KIF26B: variants seen among roughly 807,000 people sequenced by gnomAD.
The protein encoded by KIF26B is kinesin-like protein KIF26B.
KIF26B carries 63 observed loss-of-function variants against 151.2 expected under a neutral mutation model. The ratio of observed to expected loss-of-function variants is 0.42; its 90% CI spans 0.34 to 0.51. KIF26B has a LOEUF of 0.51. KIF26B is among the 20% of genes least tolerant of loss of function. KIF26B has a pLI of 0.07. For missense variants in KIF26B, 2,813 were observed against 2,913.6 expected (o/e 0.97, Z 0.79); for synonymous variants, 1,357 against 1,262.1 (o/e 1.08, Z -1.59).
intron 11 of KIF26B, 97 bp from the exon 12 acceptor site, chr1:245,685,308 G>A: frequency 9.6e-7 from 1 of 1,045,884 alleles, no homozygotes; most frequent in Non-Finnish European, 1.4e-6. Flanking sequence ...TCAGTAGCCT[G>A]TGTCGTCAGG....
intron 3 of KIF26B, among the ~76,000 whole-genome samples, chr1:245,404,349 C>A (rs984142059): frequency 2.0e-5 from 3 of 151,880 alleles, no homozygotes; most frequent in African/African-American, 7.3e-5. Context: ...AGGTTTGTAA[C>A]AAAAGGGCAG....
chr1:245,337,253 C>T (rs1365649288), intron 2 of KIF26B, among the ~76,000 whole-genome samples: 2 of 149,560 alleles, frequency 1.3e-5, no homozygotes, highest in African/African-American at 4.9e-5. Context: ...CTCACTGCAA[C>T]CTCTACCTCC....
At chr1:245,267,096 C>T (rs1411410234) in intron 2 of KIF26B, among the ~76,000 whole-genome samples, 2 of 152,222 alleles carry the variant, frequency 1.3e-5, no homozygotes, top group Admixed American at 6.5e-5. Flanking sequence ...CCTAAATGCT[C>T]AGCTCCTGCT....
chr1:245,582,245 T>C (rs554713137), intron 5 of KIF26B, among the ~76,000 whole-genome samples: 2 of 152,356 alleles, frequency 1.3e-5, no homozygotes, highest in East Asian at 3.9e-4. Context: ...AGGGGGTCAT[T>C]GTGTTCCTCA....
chr1:245,607,412 T>A (rs2043467750), intron 6 of KIF26B, among the ~76,000 whole-genome samples: 1 of 152,188 alleles, frequency 6.6e-6, no homozygotes, highest in Non-Finnish European at 1.5e-5. Context: ...CGCTGAAACG[T>A]ACCACGGATT....
intron 2 of KIF26B, among the ~76,000 whole-genome samples, chr1:245,345,675 C>G (rs977719583): frequency 3.9e-5 from 6 of 151,964 alleles, no homozygotes; most frequent in Non-Finnish European, 5.9e-5. Flanking sequence ...CTGCTGTTCT[C>G]GTGATAGTGA....
chr1:245,594,009 TG>T (rs1265326812), intron 5 of KIF26B, among the ~76,000 whole-genome samples: 1 of 152,198 alleles, frequency 6.6e-6, no homozygotes, highest in African/African-American at 2.4e-5. Flanking sequence ...TCCCGCTTTT[TG>T]ATGGGTTTGT....
Position 245,540,803 on chromosome 1 carries a change from G to A in KIF26B, c.1203G>A (p.Lys401=). ...AGTTAAATCTGTCTTCTAAAAAGAA[G>A]AAACATCGGCCTTCCACTTCTTCCG... ...AQKLNLSSKK[K]KHRPSTSSAA... is the part of the protein sequence containing the mutation. Residue 401 remains lysine, a synonymous_variant, in exon 5 of 15, where the codon AAG becomes AAA. Coordinates refer to ENST00000407071, the MANE Select transcript of KIF26B (RefSeq NM_018012.4). This position sits in a 1 kb window ranked among gnomAD's most constrained non-coding sequence, Gnocchi z 4.6. 6.2e-7 allele frequency: 1 copy of A among 1,613,986 alleles called. No individual in the cohort carries two copies. Among genetic ancestry groups the A allele is most frequent in the Non-Finnish European group, 8.5e-7 (1 of 1,179,900 alleles).
chr1:245,641,316 CACTT>C (rs150005797), intron 9 of KIF26B, among the ~76,000 whole-genome samples: 18,936 of 151,784 alleles, frequency 0.12, 1,454 homozygotes, highest in African/African-American at 0.2. Context: ...GGGGTCTTCT[CACTT>C]GGGTTGAATC....
chr1:245,172,677 G>A (rs949860063), intron 2 of KIF26B, among the ~76,000 whole-genome samples: 14 of 152,214 alleles, frequency 9.2e-5, no homozygotes, highest in African/African-American at 3.4e-4. Flanking sequence ...AGATGTGGTT[G>A]TATGCGCCTG....
At chr1:245,351,074 C>T (rs1572017420) in intron 2 of KIF26B, among the ~76,000 whole-genome samples, 3 of 152,116 alleles carry the variant, frequency 2.0e-5, no homozygotes, top group Admixed American at 1.3e-4. Flanking sequence ...TACTGTAGAC[C>T]GGGGAAGACA....
At chr1:245,695,670 C>T (rs1030761988) in intron 12 of KIF26B, among the ~76,000 whole-genome samples, 1 of 152,182 alleles carries the variant, frequency 6.6e-6, no homozygotes, top group African/African-American at 2.4e-5. Context: ...GGAAAGGAGG[C>T]AATGGGAAGG....
At chr1:245,158,437 T>C (rs36048665) in intron 2 of KIF26B, among the ~76,000 whole-genome samples, 14,277 of 151,992 alleles carry the variant, frequency 0.094, 740 homozygotes, top group South Asian at 0.12. Context: ...GGGAGGCAGC[T>C]CAATATATTT....
At chr1:245,613,329 G>A (rs895149704) in intron 9 of KIF26B, among the ~76,000 whole-genome samples, 6 of 152,194 alleles carry the variant, frequency 3.9e-5, no homozygotes, top group Non-Finnish European at 2.9e-5. Flanking sequence ...AGGACCAGGC[G>A]TGGTGGCTCA....
At chr1:245,317,393 G>A (rs1317475244) in intron 2 of KIF26B, among the ~76,000 whole-genome samples, 3 of 152,174 alleles carry the variant, frequency 2.0e-5, no homozygotes, top group Non-Finnish European at 4.4e-5. Context: ...TGATTGATCT[G>A]TTTATTCTAA....
At chr1:245,447,117 G>T (rs1659265375) in intron 4 of KIF26B, among the ~76,000 whole-genome samples, 1 of 152,130 alleles carries the variant, frequency 6.6e-6, no homozygotes, top group Non-Finnish European at 1.5e-5. Context: ...CTCACTGTGT[G>T]GTGGGTGGAG....
Position 245,632,416 on chromosome 1 carries a change from G to C in KIF26B, c.2099-13705G>C, listed in dbSNP as rs571989619. 9.9e-5 allele frequency among the ~76,000 whole-genome samples: 15 copies of C among 152,282 alleles called. 1 individual carries two copies. In the South Asian group the frequency reaches 2.5e-3, roughly 25 times the overall value. ...TGATTTCAACTTTTAAAAATGTGTT[G>C]AGAGTTATTTTGTGGTCTAACACAT... is the stretch of plus-strand genomic sequence containing the variant. On this transcript the variant is annotated intron_variant, in intron 9 of 14. Coordinates refer to ENST00000407071, the MANE Select transcript of KIF26B (RefSeq NM_018012.4).
intron 14 of KIF26B, among the ~76,000 whole-genome samples, chr1:245,700,627 A>C (rs2044757508): frequency 6.6e-6 from 1 of 152,104 alleles, no homozygotes; most frequent in African/African-American, 2.4e-5. Flanking sequence ...AGATTGCGCC[A>C]GACCCTGTCT....
At chr1:245,640,159 A>ATATATG (rs1168172493) in intron 9 of KIF26B, among the ~76,000 whole-genome samples, 1,066 of 34,260 alleles carry the variant, frequency 0.031, 136 homozygotes, top group African/African-American at 0.088. Context: ...ATATATATAT[A>ATATATG]TACCCTGCTA....
Sources: allele counts gnomAD v4.1 joint callset (sites outside exome capture counted in the v4.1 genomes callset), GRCh38; gene constraint gnomAD v4.1.1; non-coding constraint Gnocchi (gnomAD v3.1); transcripts MANE v1.5; gene names NCBI Gene and HGNC (gene_info 2026-07-23, HGNC 2026-07-21).